Variants in RB1 observed in about 807,000 individuals in gnomAD.
The protein encoded by RB1 is retinoblastoma-associated protein.
RB1 carries 18 observed loss-of-function variants against 135.4 expected under a neutral mutation model. The observed-to-expected ratio is 0.13, with a 90% CI of 0.09 to 0.20. The LOEUF (loss-of-function observed/expected upper bound fraction) is 0.20. Among genes scored for constraint, RB1 ranks in the 10% least tolerant of loss-of-function variants. The pLI is 1.00. For missense variants in RB1, 868 were observed against 1,110.0 expected, an observed-to-expected ratio of 0.78 and a Z score of 3.10; for synonymous variants, 365 against 373.2, an observed-to-expected ratio of 0.98 and a Z score of 0.25.
chr13:48,453,422 A>C (rs968528853), intron 18 of RB1, among the ~76,000 whole-genome samples: 2 of 152,192 alleles, frequency 1.3e-5, no homozygotes, highest in Admixed American at 6.5e-5. Flanking sequence ...GTGTTCCAAG[A>C]GTCAGAATGG....
chr13:48,419,916 A>G lies in RB1; in HGVS notation c.1696-33077A>G, dbSNP rs967225263. Among the ~76,000 whole-genome samples the G allele has an allele frequency of 2.0e-5, 3 of 152,236 alleles. No homozygotes were observed. The South Asian group carries it at 6.2e-4, about 32-fold the overall frequency. ...AATTAATAGCGTACCAACCAAAAAAATCCCAGGAGCAGATGGATTCACAGC... is the reference window on the plus strand; with the variant it reads ...AATTAATAGCGTACCAACCAAAAAAGTCCCAGGAGCAGATGGATTCACAGC... On this transcript the variant is annotated intron_variant, in intron 17 of 26. Coordinates refer to ENST00000267163, the MANE Select transcript of RB1 (RefSeq NM_000321.3).
At chr13:48,465,169 TTAAA>T (rs1382965907) in intron 22 of RB1, 32 bp from the exon 23 acceptor site, 6 of 1,613,376 alleles carry the variant, frequency 3.7e-6, no homozygotes, top group African/African-American at 1.3e-5. Flanking sequence ...CACCAAAACA[TTAAA>T]TAAATAATCT....
At chr13:48,317,727 C>A (rs1300025449) in intron 2 of RB1, 1 of 514,448 alleles carries the variant, frequency 1.9e-6, no homozygotes, top group Non-Finnish European at 3.0e-6. Context: ...CCTTCCTGCC[C>A]TGGCTGAACA....
rs1345307686 is a variant in RB1, at chr13:48,480,396, A to C, written c.*325A>C. 3 of 364,554 alleles carry C rather than the reference A, an allele frequency of 8.2e-6. No individual in the cohort carries two copies. The highest frequency in any genetic ancestry group is 2.0e-5 in the African/African-American group (1 of 49,140). The allele number at this position is 364,554 out of a possible 1,614,324, so 22.6% of individuals were successfully genotyped here. On this transcript the variant is annotated 3_prime_UTR_variant, in exon 27 of 27. Transcript: ENST00000267163. ...CCTAGAGTGGGAGTCCTGATAACCC[A>C]GGCCTGTCTGACTACTTTGCCTTCT...
intron 8 of RB1, 132 bp downstream of exon 8, chr13:48,363,089 A>T (rs1233112849): frequency 5.4e-6 from 6 of 1,101,682 alleles, no homozygotes; most frequent in Non-Finnish European, 7.7e-6. Flanking sequence ...GCAGTAGCAA[A>T]ATATTTAGAA....
intron 23 of RB1, among the ~76,000 whole-genome samples, chr13:48,472,998 A>G (rs1949481822): frequency 6.6e-6 from 1 of 152,324 alleles, no homozygotes; most frequent in East Asian, 1.9e-4. Context: ...TTTTCCAAAT[A>G]TAACTTGAAT....
At chr13:48,330,123 T>C (rs543949281) in intron 2 of RB1, among the ~76,000 whole-genome samples, 207 of 147,330 alleles carry the variant, frequency 1.4e-3, no homozygotes, top group Middle Eastern at 0.011. Context: ...AAAAAAAATG[T>C]GATACAAATG....
At chr13:48,343,898 AC>A (rs1163139547) in intron 3 of RB1, among the ~76,000 whole-genome samples, 1 of 152,122 alleles carries the variant, frequency 6.6e-6, no homozygotes, top group African/African-American at 2.4e-5. Flanking sequence ...TATCATAGGA[AC>A]TTTAATAACC....
At chr13:48,346,603 G>A (rs1952500954) in intron 4 of RB1, among the ~76,000 whole-genome samples, 1 of 151,492 alleles carries the variant, frequency 6.6e-6, no homozygotes, top group Non-Finnish European at 1.5e-5. Flanking sequence ...ATTCACAGCT[G>A]AAGTTAAACA....
chr13:48,306,057 C>G (rs774350518), intron 1 of RB1, among the ~76,000 whole-genome samples: 1 of 152,120 alleles, frequency 6.6e-6, no homozygotes. Flanking sequence ...ATCACATGAG[C>G]TTGGGAGTTG....
intron 17 of RB1, among the ~76,000 whole-genome samples, chr13:48,409,737 C>T (rs183859060): frequency 4.6e-5 from 7 of 151,876 alleles, no homozygotes; most frequent in Admixed American, 3.9e-4. Flanking sequence ...TGTGCCACCA[C>T]ACCCAGCTAA....
chr13:48,339,670 A>G (rs1413446082), intron 2 of RB1, among the ~76,000 whole-genome samples: 1 of 152,050 alleles, frequency 6.6e-6, no homozygotes, highest in Non-Finnish European at 1.5e-5. Flanking sequence ...GGTTGGCTGC[A>G]CTCACTTTCC....
chr13:48,409,456 G>T (rs753923401), intron 17 of RB1, among the ~76,000 whole-genome samples: 1 of 151,754 alleles, frequency 6.6e-6, no homozygotes, highest in Non-Finnish European at 1.5e-5. Flanking sequence ...TTGTATTGAG[G>T]ACTTGAAAGA....
In RB1 at chr13:48,476,804, T is replaced by G; in HGVS notation, c.2624T>G (p.Leu875Arg). The G allele has an allele frequency of 6.2e-7, 1 of 1,613,658 alleles. No individual in the cohort carries two copies. Among genetic ancestry groups the G allele is most frequent in the Non-Finnish European group, 8.5e-7 (1 of 1,179,668 alleles). The change falls in exon 25 of 27, where the codon CTA becomes CGA. Residue 875 changes from leucine to arginine, a missense_variant. By Grantham distance (102) the Leu-to-Arg change is moderately radical (BLOSUM62 -2). This residue lies in a region of RB1 where 196 missense variants were observed against 239.8 expected (regional missense o/e 0.82). Coordinates refer to ENST00000267163, the MANE Select transcript of RB1 (RefSeq NM_000321.3). The stretch of plus-strand genomic sequence containing the variant: ...AACCCTCCTAAACCACTGAAAAAAC[T>G]ACGCTTTGATATTGAAGGATCAGAT... ...GSNPPKPLKK[L>R]RFDIEGSDEA...
At chr13:48,381,739 A>G (rs1390321744) in intron 17 of RB1, among the ~76,000 whole-genome samples, 1 of 152,174 alleles carries the variant, frequency 6.6e-6, no homozygotes, top group African/African-American at 2.4e-5. Context: ...GTACATGTGC[A>G]CAACGTGCAG....
At chr13:48,443,949 A>G (rs1192004901) in intron 17 of RB1, among the ~76,000 whole-genome samples, 2 of 152,140 alleles carry the variant, frequency 1.3e-5, no homozygotes, top group African/African-American at 2.4e-5. Context: ...TCATACCACC[A>G]CAACAGTTGT....
intron 2 of RB1, chr13:48,341,475 T>A (rs1211208571): frequency 2.6e-5 from 4 of 152,078 alleles, no homozygotes; most frequent in African/African-American, 9.6e-5. Context: ...TTTAACTTTA[T>A]AAGAACTTCC....
At chr13:48,413,367 CA>C (rs534920690) in intron 17 of RB1, among the ~76,000 whole-genome samples, 98 of 152,130 alleles carry the variant, frequency 6.4e-4, no homozygotes, top group Middle Eastern at 6.8e-3. Context: ...TGATTTGTTT[CA>C]GTAGTAATAA....
intron 7 of RB1, among the ~76,000 whole-genome samples, chr13:48,362,165 C>T (rs533267025): frequency 6.6e-6 from 1 of 152,042 alleles, no homozygotes; most frequent in East Asian, 1.9e-4. Flanking sequence ...CCAGGCTGGT[C>T]TTGAACTCCT....
Sources: allele counts gnomAD v4.1 joint callset (sites outside exome capture counted in the v4.1 genomes callset), GRCh38; gene constraint gnomAD v4.1.1; regional missense constraint gnomAD v4.1.1; transcripts MANE v1.5; gene names NCBI Gene and HGNC (gene_info 2026-07-23, HGNC 2026-07-21).